The following SHC4 variants were observed in gnomAD, a reference collection of about 807,000 sequenced individuals.
The protein encoded by SHC4 is SHC adaptor protein 4.
Under a neutral mutation model 69.4 loss-of-function variants are expected in SHC4, and 41 were observed. The observed-to-expected ratio is 0.59, with a 90% confidence interval of 0.46 to 0.77. The LOEUF (loss-of-function observed/expected upper bound fraction) is 0.77. SHC4 is among the 30% of genes least tolerant of loss of function. The pLI, the probability that SHC4 is intolerant of heterozygous loss-of-function variation, is 0.00. For synonymous variants in SHC4, 318 were observed against 299.3 expected (o/e 1.06, Z -0.64); for missense variants, 777 against 783.8 (o/e 0.99, Z 0.10).
At chr15:48,922,363 T>C (rs1900767073) in intron 2 of SHC4, among the ~76,000 whole-genome samples, 1 of 152,220 alleles carries the variant, frequency 6.6e-6, no homozygotes. Flanking sequence ...AGTGTCTTAG[T>C]CCATTCCTGC....
At chr15:48,920,741 TA>T (rs1314164989) in intron 2 of SHC4, among the ~76,000 whole-genome samples, 1 of 152,100 alleles carries the variant, frequency 6.6e-6, no homozygotes, top group Non-Finnish European at 1.5e-5. Flanking sequence ...TTTGGAAATA[TA>T]ATCAAGATAT....
chr15:48,842,359 A>G (rs1899007852), intron 10 of SHC4, among the ~76,000 whole-genome samples: 2 of 152,236 alleles, frequency 1.3e-5, no homozygotes, highest in Non-Finnish European at 2.9e-5. Flanking sequence ...GCAAATAAAC[A>G]AATTCAAAAT....
intron 9 of SHC4, among the ~76,000 whole-genome samples, chr15:48,845,687 C>T (rs532158559): frequency 1.3e-5 from 2 of 152,204 alleles, no homozygotes; most frequent in African/African-American, 4.8e-5. Context: ...TTCAAATTAT[C>T]AGGAATTAAG....
chr15:48,888,954 G>A (rs1239411050), intron 3 of SHC4, among the ~76,000 whole-genome samples: 2 of 151,466 alleles, frequency 1.3e-5, no homozygotes, highest in Admixed American at 6.6e-5. Context: ...ATAAAGTGGA[G>A]AGAAAAGAAA....
intron 2 of SHC4, among the ~76,000 whole-genome samples, chr15:48,893,207 G>A (rs1255468844): frequency 1.3e-5 from 2 of 152,112 alleles, no homozygotes; most frequent in Admixed American, 1.3e-4. Flanking sequence ...GAGGGGATTG[G>A]AAATTCTAGA....
At position 48,963,814 on chromosome 15, in the gene SHC4, C is replaced by G. The variant is rs1211920177; in HGVS notation, c.-799G>C. ...CTTTTTTCAGAAGCCCATTTGCAGC[C>G]GAAAGCTGAGATGTGCAGGATGATA... On this transcript the variant is annotated 5_prime_UTR_variant, in exon 1 of 12. Coordinates refer to ENST00000332408, the MANE Select transcript of SHC4 (RefSeq NM_203349.4). 1.3e-5 allele frequency among the ~76,000 whole-genome samples: 2 copies of G among 152,176 alleles called. No homozygotes were observed. Among genetic ancestry groups the G allele is most frequent in the African/African-American group, 4.8e-5 (2 of 41,434 alleles).
At chr15:48,898,681 A>G (rs1212512696) in intron 2 of SHC4, among the ~76,000 whole-genome samples, 1 of 152,208 alleles carries the variant, frequency 6.6e-6, no homozygotes, top group Non-Finnish European at 1.5e-5. Flanking sequence ...TGTCTGGAGT[A>G]TCACATCTCC....
At chr15:48,959,840 C>A (rs1235163987) in intron 1 of SHC4, among the ~76,000 whole-genome samples, 1 of 152,124 alleles carries the variant, frequency 6.6e-6, no homozygotes, top group African/African-American at 2.4e-5. Flanking sequence ...GGATGGAAAC[C>A]TGTGGTGAAG....
At chr15:48,865,579 G>A (rs1184659412) in intron 6 of SHC4, among the ~76,000 whole-genome samples, 1 of 152,168 alleles carries the variant, frequency 6.6e-6, no homozygotes, top group Non-Finnish European at 1.5e-5. Context: ...TTGAGGTTGT[G>A]AAACAATCTG....
At chr15:48,885,216 CAG>C (rs1006189600) in intron 3 of SHC4, among the ~76,000 whole-genome samples, 25 of 152,230 alleles carry the variant, frequency 1.6e-4, no homozygotes, top group African/African-American at 5.1e-4. Flanking sequence ...AAGGTACCAA[CAG>C]GGGGGCGAGA....
At chr15:48,884,123 G>C (rs1014536337) in intron 4 of SHC4, 125 bp downstream of exon 4, 2 of 1,056,824 alleles carry the variant, frequency 1.9e-6, no homozygotes, top group African/African-American at 3.3e-5. Context: ...ATCTTCAGCA[G>C]ATTTTTCCCT....
rs1567048132 is a variant in SHC4 at position 48,834,787 on chromosome 15, C to T, written c.1719G>A (p.Leu573=). Residue 573 remains leucine, a synonymous_variant, in exon 11 of 12, where the codon CTG becomes CTA. Transcript: ENST00000332408. ...LQGGQAKHLL[L]VDPEGKVRTK... is the part of the protein sequence containing the mutation. ...ATGATACCTTGCCTTCAGGATCCAC[C>T]AGGAGAAGATGTTTTGCTTGGCCTC... The T allele has an allele frequency of 6.2e-7, 1 of 1,614,118 alleles. No homozygotes were observed.
intron 6 of SHC4, among the ~76,000 whole-genome samples, chr15:48,865,199 G>A (rs746670145): frequency 6.6e-6 from 1 of 152,178 alleles, no homozygotes; most frequent in Non-Finnish European, 1.5e-5. Context: ...AATTATTTGT[G>A]TATTCAAAAG....
chr15:48,947,576 T>G (rs1368657582), intron 1 of SHC4, among the ~76,000 whole-genome samples: 2 of 152,174 alleles, frequency 1.3e-5, no homozygotes, highest in Admixed American at 1.3e-4. Context: ...AAAATACAAG[T>G]GAGAGAACAA....
intron 1 of SHC4, among the ~76,000 whole-genome samples, chr15:48,953,667 T>C (rs1275248557): frequency 2.6e-5 from 4 of 152,216 alleles, no homozygotes; most frequent in Non-Finnish European, 4.4e-5. Context: ...GTTATGTTCC[T>C]ATATTTCCAA....
chr15:48,828,046 C>T (rs1002233308), intron 11 of SHC4, among the ~76,000 whole-genome samples: 1 of 151,932 alleles, frequency 6.6e-6, no homozygotes, highest in Non-Finnish European at 1.5e-5. Flanking sequence ...CAAGATTTTT[C>T]ACTGTGGTAA....
At chr15:48,872,976 T>C (rs1595740007) in intron 4 of SHC4, among the ~76,000 whole-genome samples, 1 of 152,332 alleles carries the variant, frequency 6.6e-6, no homozygotes, top group Non-Finnish European at 1.5e-5. Flanking sequence ...GCTGATTATA[T>C]AAGATGACCA....
At chr15:48,913,632 T>C (rs763668579) in intron 2 of SHC4, among the ~76,000 whole-genome samples, 1 of 152,138 alleles carries the variant, frequency 6.6e-6, no homozygotes, top group Non-Finnish European at 1.5e-5. Flanking sequence ...TCTCACCCCC[T>C]TCAAATTGTC....
At chr15:48,857,364 T>C (rs1899340740) in intron 7 of SHC4, among the ~76,000 whole-genome samples, 2 of 152,264 alleles carry the variant, frequency 1.3e-5, no homozygotes, top group South Asian at 2.1e-4. Flanking sequence ...GAGAAGTTTA[T>C]TGATGTTTAT....
Sources: gnomAD v4.1 joint callset for allele counts (sites outside exome capture counted in the v4.1 genomes callset) on GRCh38, gnomAD v4.1.1 for gene constraint, MANE v1.5 for transcripts, NCBI Gene and HGNC (gene_info 2026-07-23, HGNC 2026-07-21) for gene names.